Variants in ZNRF3 observed in about 807,000 individuals in gnomAD.
ZNRF3 encodes the protein E3 ubiquitin-protein ligase ZNRF3.
A neutral mutation model predicts 72.5 loss-of-function variants in ZNRF3; 23 were observed. The observed-to-expected ratio is 0.32, with a 90% CI of 0.23 to 0.45. The LOEUF is 0.45. Ranked by LOEUF, ZNRF3 falls within the 20% of genes least tolerant of loss-of-function variation. The pLI, the probability that ZNRF3 is intolerant of heterozygous loss-of-function variation, is 1.00. For synonymous variants in ZNRF3, 610 were observed against 545.3 expected, an observed-to-expected ratio of 1.12 and a Z score of -1.65; for missense variants, 1,169 against 1,272.1, an observed-to-expected ratio of 0.92 and a Z score of 1.23.
intron 1 of ZNRF3, among the ~76,000 whole-genome samples, chr22:28,982,634 T>A (rs2035786048): frequency 1.3e-5 from 2 of 152,080 alleles, no homozygotes; most frequent in Admixed American, 1.3e-4. Flanking sequence ...TGTTTCACTT[T>A]TCCCATAAAA....
intron 1 of ZNRF3, among the ~76,000 whole-genome samples, chr22:28,974,321 C>T (rs2035631109): frequency 6.6e-6 from 1 of 152,126 alleles, no homozygotes; most frequent in Non-Finnish European, 1.5e-5. Flanking sequence ...TACTTTTAAA[C>T]CGTGTTATAC....
intron 1 of ZNRF3, among the ~76,000 whole-genome samples, chr22:28,907,085 C>T (rs985810486): frequency 4.6e-5 from 7 of 151,452 alleles, no homozygotes; most frequent in Non-Finnish European, 8.8e-5. Context: ...CGGGTTCAAG[C>T]AATTCTCCTG....
intron 2 of ZNRF3, among the ~76,000 whole-genome samples, chr22:29,006,431 C>T (rs1223163551): frequency 3.3e-5 from 5 of 152,142 alleles, no homozygotes; most frequent in Non-Finnish European, 5.9e-5. Context: ...AGGCTGGTCT[C>T]GAACTCCTGA....
At chr22:28,898,883 T>C (rs2034050794) in intron 1 of ZNRF3, among the ~76,000 whole-genome samples, 1 of 151,900 alleles carries the variant, frequency 6.6e-6, no homozygotes, top group African/African-American at 2.4e-5. Context: ...ATTTGGGAAA[T>C]TATTGAATTA....
Position 29,049,383 on chromosome 22 carries a change from G to A in ZNRF3, c.1202G>A (p.Arg401Gln), listed in dbSNP as rs1169381583. 18 of 1,612,460 alleles carry A rather than the reference G, an allele frequency of 1.1e-5. No homozygotes were observed. The highest frequency in any genetic ancestry group is 2.2e-5 in the East Asian group (1 of 44,858). Reference sequence around the variant, plus strand: ...CCCGTCACCTTGCTGACCATGGACCGGCACGGGGAGCAGAGCCTCTATTCC... The same window carrying A: ...CCCGTCACCTTGCTGACCATGGACCAGCACGGGGAGCAGAGCCTCTATTCC... Reference protein sequence around the residue: ...GNPVTLLTMDRHGEQSLYSPQ... With the variant: ...GNPVTLLTMDQHGEQSLYSPQ... Residue 401 changes from arginine (R) to glutamine (Q), a missense_variant, in exon 8 of 9, where the codon CGG becomes CAG. Arg to Gln is a conservative substitution (Grantham distance 43). Transcript: ENST00000544604. The surrounding 1 kb of genome is among the most constrained non-coding windows in gnomAD (Gnocchi z 5.2).
intron 2 of ZNRF3, among the ~76,000 whole-genome samples, chr22:29,027,203 C>T (rs1320983674): frequency 5.3e-5 from 8 of 152,072 alleles, no homozygotes; most frequent in Non-Finnish European, 1.2e-4. Flanking sequence ...ATTAGTCAAT[C>T]TCCAGGAAGG....
intron 1 of ZNRF3, among the ~76,000 whole-genome samples, chr22:28,911,914 C>T (rs898120006): frequency 2.0e-5 from 3 of 152,134 alleles, no homozygotes; most frequent in South Asian, 2.1e-4. Flanking sequence ...GGCCTTACTG[C>T]GGCTTCCCCC....
intron 1 of ZNRF3, among the ~76,000 whole-genome samples, chr22:28,901,314 A>G (rs1053420166): frequency 1.3e-5 from 2 of 152,082 alleles, no homozygotes; most frequent in African/African-American, 2.4e-5. Flanking sequence ...TGCGGTGCAT[A>G]AGGCCAACGC....
intron 1 of ZNRF3, among the ~76,000 whole-genome samples, chr22:28,912,690 G>A (rs1355723698): frequency 7.7e-6 from 1 of 129,996 alleles, no homozygotes; most frequent in African/African-American, 2.8e-5. Flanking sequence ...TTGAGACGGA[G>A]TTTTGCTCTT....
intron 1 of ZNRF3, among the ~76,000 whole-genome samples, chr22:28,960,668 T>C (rs564420541): frequency 3.3e-4 from 50 of 152,334 alleles, no homozygotes; most frequent in Non-Finnish European, 1.9e-4. Flanking sequence ...AGTTCATCTT[T>C]GGGCCTGTTT....
Position 29,054,369 on chromosome 22 carries a change from T to C in ZNRF3, c.*747T>C, listed in dbSNP as rs945320929. ...GAAAGCTCCAGGGTGATGGGGACGA[T>C]TCTGCCCAGTGTCCTCAGTCTGTCC... On this transcript the variant is annotated 3_prime_UTR_variant, in exon 9 of 9. Transcript: ENST00000544604. The C allele has an allele frequency of 2.6e-5, 4 of 152,358 alleles. No individual in the cohort carries two copies. Among genetic ancestry groups the C allele is most frequent in the Non-Finnish European group, 5.9e-5 (4 of 68,172 alleles). 9.4% of individuals were successfully genotyped at this position (152,358 alleles called of 1,614,324 possible). A position where few individuals can be genotyped will look rare whatever the true frequency, so the allele number is the denominator to read the frequency against.
intron 2 of ZNRF3, among the ~76,000 whole-genome samples, chr22:29,021,471 CCTCA>C (rs2036537960): frequency 6.7e-6 from 1 of 149,244 alleles, no homozygotes; most frequent in Non-Finnish European, 1.5e-5. Flanking sequence ...CAGATTCTCC[CCTCA>C]CTCCTTGTTT....
intron 1 of ZNRF3, among the ~76,000 whole-genome samples, chr22:28,935,574 C>T (rs1488730815): frequency 6.6e-6 from 1 of 152,186 alleles, no homozygotes; most frequent in Non-Finnish European, 1.5e-5. Flanking sequence ...GCTAGCCTGT[C>T]TCTGTTGAAG....
rs2035028476 is a variant in ZNRF3, at chr22:28,945,128, C to T, written c.301-41948C>T. 2.2e-5 allele frequency among the ~76,000 whole-genome samples: 3 copies of T among 137,010 alleles called. 1 individual carries two copies. The South Asian group carries it at 6.8e-4, about 31-fold the overall frequency. 89.9% of individuals were successfully genotyped at this position (137,010 alleles called of 152,430 possible). A position where few individuals can be genotyped will look rare whatever the true frequency, so the allele number is the denominator to read the frequency against. ...AGCTCAAGAGCTCAAGACCAGCTAG[C>T]AACAGAATGAGACCCTGTCTCAAAA... On this transcript the variant is annotated intron_variant, in intron 1 of 8. Coordinates refer to ENST00000544604, the MANE Select transcript of ZNRF3 (RefSeq NM_001206998.2).
intron 1 of ZNRF3, among the ~76,000 whole-genome samples, chr22:28,918,492 G>A (rs75673642): frequency 0.036 from 5,487 of 152,000 alleles, 171 homozygotes; most frequent in South Asian, 0.064. Context: ...GGGTGCGTGC[G>A]TGTGTGTGTA....
At position 28,926,784 on chromosome 22, in the gene ZNRF3, C is replaced by T. The variant is rs143258129; in HGVS notation, c.300+42718C>T. The stretch of plus-strand genomic sequence containing the variant: ...ACTGCACTCCAGCTTGGGCAATGAG[C>T]GAAACTCCATCTCAAAAAAAAAAAA... On this transcript the variant is annotated intron_variant, in intron 1 of 8. Transcript: ENST00000544604. Among the ~76,000 whole-genome samples, 1,063 of 135,756 alleles carry T rather than the reference C, an allele frequency of 7.8e-3. 12 individuals are homozygous for T. Among genetic ancestry groups the T allele is most frequent in the African/African-American group, 0.029 (1,024 of 35,462 alleles). The allele number at this position is 135,756 out of a possible 152,430, so 89.1% of individuals were successfully genotyped here.
chr22:29,034,937 C>A (rs564768693), intron 2 of ZNRF3, among the ~76,000 whole-genome samples: 14 of 149,978 alleles, frequency 9.3e-5, no homozygotes, highest in African/African-American at 3.4e-4. Context: ...TAAATTAATA[C>A]ATGGTTAATG....
At chr22:28,944,156 C>G (rs1215520553) in intron 1 of ZNRF3, among the ~76,000 whole-genome samples, 1 of 152,050 alleles carries the variant, frequency 6.6e-6, no homozygotes, top group African/African-American at 2.4e-5. Flanking sequence ...TGGCTTGTAG[C>G]AGTACAATGT....
At chr22:29,041,499 C>G (rs1345160281) in intron 2 of ZNRF3, among the ~76,000 whole-genome samples, 2 of 152,152 alleles carry the variant, frequency 1.3e-5, no homozygotes, top group African/African-American at 4.8e-5. Flanking sequence ...AAAAAGAATC[C>G]CGTCACTTCT....
Sources: allele counts gnomAD v4.1 joint callset (sites outside exome capture counted in the v4.1 genomes callset), GRCh38; gene constraint gnomAD v4.1.1; non-coding constraint Gnocchi (gnomAD v3.1); transcripts MANE v1.5; gene names NCBI Gene and HGNC (gene_info 2026-07-23, HGNC 2026-07-21).